ITPR1: variants seen among roughly 807,000 people sequenced by gnomAD.
ITPR1 encodes inositol 1,4,5-trisphosphate receptor type 1.
In ITPR1, 96 loss-of-function variants were observed where a neutral mutation model predicts 318.4. That is an observed-to-expected ratio of 0.30 (90% CI 0.26 to 0.36). ITPR1 has a LOEUF of 0.36. ITPR1 is among the 10% of genes least tolerant of loss of function. The pLI, the probability that ITPR1 is intolerant of heterozygous loss-of-function variation, is 1.00. For missense variants in ITPR1, 2,440 were observed against 3,460.2 expected, an observed-to-expected ratio of 0.71 and a Z score of 7.40; for synonymous variants, 1,312 against 1,289.9, an observed-to-expected ratio of 1.02 and a Z score of -0.37.
At chr3:4,696,544 A>G (rs1455064502) in intron 33 of ITPR1, among the ~76,000 whole-genome samples, 1 of 152,132 alleles carries the variant, frequency 6.6e-6, no homozygotes, top group African/African-American at 2.4e-5. Context: ...CCGCTTTTTG[A>G]CTATTGTGAA....
At chr3:4,567,818 AG>A (rs1341926621) in intron 4 of ITPR1, among the ~76,000 whole-genome samples, 2 of 152,050 alleles carry the variant, frequency 1.3e-5, no homozygotes, top group African/African-American at 4.8e-5. Flanking sequence ...TGTCCAGGCT[AG>A]TCGTGAATTC....
intron 4 of ITPR1, among the ~76,000 whole-genome samples, chr3:4,554,245 T>C (rs1276990880): frequency 6.6e-6 from 1 of 152,178 alleles, no homozygotes; most frequent in Admixed American, 6.5e-5. Context: ...TTGATAGGAA[T>C]AGAGGCCCAC....
intron 36 of ITPR1, among the ~76,000 whole-genome samples, chr3:4,704,173 G>T (rs1424351613): frequency 6.6e-6 from 1 of 152,234 alleles, no homozygotes; most frequent in Non-Finnish European, 1.5e-5. Context: ...AGCACTTTGG[G>T]AGGCTGAGAC....
chr3:4,678,179 T>A (rs1244761501), intron 24 of ITPR1, among the ~76,000 whole-genome samples: 1 of 152,204 alleles, frequency 6.6e-6, no homozygotes, highest in East Asian at 1.9e-4. Flanking sequence ...CTCAAAGTCA[T>A]GTAATTAGGA....
chr3:4,801,124 T>C (rs967679538), intron 54 of ITPR1, among the ~76,000 whole-genome samples: 2 of 152,146 alleles, frequency 1.3e-5, no homozygotes, highest in East Asian at 1.9e-4. Flanking sequence ...TTCACTACCA[T>C]TGAAAGATAG....
rs1051870469 is a variant in ITPR1 at position 4,737,055 on chromosome 3, T to C, written c.5544+1701T>C. On this transcript the variant is annotated intron_variant, in intron 44 of 61. Coordinates refer to ENST00000649015, the MANE Select transcript of ITPR1 (RefSeq NM_001378452.1). The stretch of plus-strand genomic sequence containing the variant: ...ATTATATCTCTCCAATCTTTATCCT[T>C]AGCCACAGTGTCTTCTTTAATGAAA... 1.8e-4 allele frequency among the ~76,000 whole-genome samples: 27 copies of C among 152,224 alleles called. 1 individual carries two copies. The highest frequency in any genetic ancestry group is 1.3e-4 in the Admixed American group (2 of 15,290).
chr3:4,570,832 T>G (rs1299858341), intron 4 of ITPR1, among the ~76,000 whole-genome samples: 2 of 152,224 alleles, frequency 1.3e-5, no homozygotes, highest in African/African-American at 4.8e-5. Context: ...TTATATATGA[T>G]GCATCAGTTA....
chr3:4,598,517 GGGGCCGAGACAGGA>G (rs2091026045), intron 4 of ITPR1, among the ~76,000 whole-genome samples: 1 of 152,078 alleles, frequency 6.6e-6, no homozygotes, highest in Admixed American at 6.5e-5. Flanking sequence ...GCTACTCGGT[GGGGCCGAGACAGGA>G]GGATTGCTTG....
intron 37 of ITPR1, among the ~76,000 whole-genome samples, chr3:4,707,501 T>C (rs2094784798): frequency 6.6e-6 from 1 of 152,210 alleles, no homozygotes; most frequent in Admixed American, 6.5e-5. Flanking sequence ...GAAAACTTTA[T>C]TGTTGTTATG....
chr3:4,671,916 A>G (rs1018196916), intron 20 of ITPR1: 9 of 152,208 alleles, frequency 5.9e-5, no homozygotes, highest in African/African-American at 2.2e-4. Context: ...AAAATTTTAT[A>G]TAAATGGGAC....
chr3:4,662,601 T>G (rs544341626), intron 15 of ITPR1, among the ~76,000 whole-genome samples: 1 of 152,230 alleles, frequency 6.6e-6, no homozygotes, highest in African/African-American at 2.4e-5. Context: ...CGGATGCCTG[T>G]AATCCCAGCT....
chr3:4,713,873 A>G (rs2041567164), intron 39 of ITPR1, among the ~76,000 whole-genome samples: 1 of 152,186 alleles, frequency 6.6e-6, no homozygotes, highest in South Asian at 2.1e-4. Context: ...TGAACAAACT[A>G]TAGGCCAGCA....
At chr3:4,705,045 T>A (rs1344631188) in intron 36 of ITPR1, among the ~76,000 whole-genome samples, 1 of 152,186 alleles carries the variant, frequency 6.6e-6, no homozygotes, top group African/African-American at 2.4e-5. Flanking sequence ...TGTATGTTTT[T>A]AAATGGGATT....
intron 7 of ITPR1, among the ~76,000 whole-genome samples, chr3:4,642,869 T>C (rs2093369208): frequency 6.6e-6 from 1 of 152,222 alleles, no homozygotes; most frequent in Admixed American, 6.5e-5. Context: ...TACTTCACAG[T>C]GACTGTGGTT....
intron 4 of ITPR1, among the ~76,000 whole-genome samples, chr3:4,599,137 T>A (rs1488675507): frequency 6.6e-6 from 1 of 152,182 alleles, no homozygotes; most frequent in African/African-American, 2.4e-5. Context: ...TATTTCATTT[T>A]TACTACAGTC....
intron 55 of ITPR1, among the ~76,000 whole-genome samples, chr3:4,806,821 A>C (rs1301162811): frequency 6.6e-6 from 1 of 152,154 alleles, no homozygotes; most frequent in Admixed American, 6.5e-5. Flanking sequence ...CTGTAAGACA[A>C]GCTGGTTCCA....
chr3:4,505,077 G>A (rs1005575870), intron 2 of ITPR1, among the ~76,000 whole-genome samples: 5 of 151,548 alleles, frequency 3.3e-5, no homozygotes, highest in African/African-American at 7.3e-5. Flanking sequence ...TTTTGTCTTC[G>A]TCCTTATCCT....
chr3:4,776,291 T>C (rs572389171), intron 47 of ITPR1, among the ~76,000 whole-genome samples: 52 of 152,274 alleles, frequency 3.4e-4, no homozygotes, highest in Admixed American at 3.1e-3. Context: ...AGGCTGGTCT[T>C]GAACTTCTGA....
intron 5 of ITPR1, among the ~76,000 whole-genome samples, chr3:4,638,090 G>A (rs866102201): frequency 2.6e-5 from 4 of 152,136 alleles, no homozygotes; most frequent in Admixed American, 6.5e-5. Flanking sequence ...AATGAAGCCG[G>A]TAGGTAGGCG....
Sources: gnomAD v4.1 joint callset for allele counts (sites outside exome capture counted in the v4.1 genomes callset) on GRCh38, gnomAD v4.1.1 for gene constraint, MANE v1.5 for transcripts, NCBI Gene and HGNC (gene_info 2026-07-23, HGNC 2026-07-21) for gene names.